GPM6A: variants seen among roughly 807,000 people sequenced by gnomAD.
The protein encoded by GPM6A is glycoprotein M6A, also known as neuronal membrane glycoprotein M6-a.
GPM6A carries 7 observed loss-of-function variants against 32.1 expected under a neutral mutation model. The ratio of observed to expected loss-of-function variants is 0.22; its 90% CI spans 0.12 to 0.41. GPM6A has a LOEUF of 0.41. Among genes scored for constraint, GPM6A ranks in the 10% least tolerant of loss-of-function variants. GPM6A has a pLI of 1.00. For missense variants in GPM6A, 235 were observed against 347.2 expected, an observed-to-expected ratio of 0.68 and a Z score of 2.57; for synonymous variants, 130 against 123.4, an observed-to-expected ratio of 1.05 and a Z score of -0.35.
intron 1 of GPM6A, among the ~76,000 whole-genome samples, chr4:175,719,423 C>T (rs910072644): frequency 2.1e-4 from 32 of 152,032 alleles, no homozygotes; most frequent in Non-Finnish European, 3.1e-4. Flanking sequence ...TGGTCTTGAT[C>T]CCTTGACCTC....
At chr4:175,718,887 G>A (rs1404743294) in intron 1 of GPM6A, among the ~76,000 whole-genome samples, 1 of 151,976 alleles carries the variant, frequency 6.6e-6, no homozygotes, top group African/African-American at 2.4e-5. Context: ...AGTGACTAAA[G>A]TAACTATAAA....
At position 175,674,925 on chromosome 4, in the gene GPM6A, T is replaced by C. The variant is rs1228172766; in HGVS notation, c.231-1089A>G. Among the ~76,000 whole-genome samples the C allele has an allele frequency of 2.6e-5, 4 of 151,788 alleles. No individual in the cohort carries two copies. In the South Asian group the frequency reaches 8.3e-4, roughly 32 times the overall value. ...TTTTTTTTAAAAGAAAAAAACACCA[T>C]GTGGCTAAAATAAAACATTTATCTA... On this transcript the variant is annotated intron_variant, in intron 2 of 6. Transcript: ENST00000393658.
chr4:175,962,389 C>G (rs1579667820), intron 1 of GPM6A: 5 of 741,370 alleles, frequency 6.7e-6, no homozygotes, highest in Non-Finnish European at 1.3e-5. Context: ...GACCACTCCA[C>G]CCTCACCAAG....
intron 1 of GPM6A, among the ~76,000 whole-genome samples, chr4:175,851,774 G>A (rs1290406907): frequency 2.0e-5 from 3 of 152,146 alleles, no homozygotes; most frequent in Admixed American, 1.3e-4. Context: ...TTTGCATTCC[G>A]TGTTTTGTTT....
rs111710260 is a variant in GPM6A, at chr4:175,734,567, T to TA, written c.38-32801dup. ...CAAATGTAATCAGTCCTTTACTTTT[T>TA]AAAAAAAAAAAATGCTATATAATAG... On this transcript the variant is annotated intron_variant, in intron 1 of 6. Transcript: ENST00000393658. Among the ~76,000 whole-genome samples the TA allele has an allele frequency of 3.2e-3, 465 of 143,664 alleles. 2 individuals carry two copies. The highest frequency in any genetic ancestry group is 9.3e-3 in the African/African-American group (360 of 38,876). The allele number at this position is 143,664 out of a possible 152,430, so 94.2% of individuals were successfully genotyped here.
chr4:175,888,997 G>C (rs73010162), intron 1 of GPM6A, among the ~76,000 whole-genome samples: 10 of 152,190 alleles, frequency 6.6e-5, no homozygotes, highest in Non-Finnish European at 1.5e-4. Flanking sequence ...GATCCCTGTA[G>C]TTATAAGAAC....
chr4:175,677,817 A>G (rs1343647598), intron 2 of GPM6A, among the ~76,000 whole-genome samples: 1 of 152,186 alleles, frequency 6.6e-6, no homozygotes, highest in Non-Finnish European at 1.5e-5. Flanking sequence ...AGAAATCCTG[A>G]GATAAGCATA....
intron 1 of GPM6A, among the ~76,000 whole-genome samples, chr4:175,811,576 T>C (rs1436594839): frequency 2.0e-5 from 3 of 152,278 alleles, no homozygotes; most frequent in East Asian, 3.9e-4. Flanking sequence ...CCTTTAACAT[T>C]ATTACTCAGA....
intron 1 of GPM6A, among the ~76,000 whole-genome samples, chr4:175,865,209 T>C (rs974182069): frequency 2.6e-5 from 4 of 152,254 alleles, no homozygotes; most frequent in African/African-American, 9.6e-5. Flanking sequence ...CATTTCACTA[T>C]TGAATTACCT....
At chr4:175,686,115 T>C (rs1038434002) in intron 2 of GPM6A, among the ~76,000 whole-genome samples, 7 of 152,200 alleles carry the variant, frequency 4.6e-5, no homozygotes, top group African/African-American at 1.7e-4. Context: ...AGGCTTACTT[T>C]GTGCATTTCC....
chr4:175,709,727 C>CAAA (rs559363193), intron 1 of GPM6A, among the ~76,000 whole-genome samples: 9 of 68,566 alleles, frequency 1.3e-4, no homozygotes, highest in South Asian at 4.5e-4. Flanking sequence ...GACTCCATCT[C>CAAA]AAAAAAAAAA....
chr4:176,000,893 AC>A (rs1741455425), intron 1 of GPM6A, among the ~76,000 whole-genome samples: 1 of 152,206 alleles, frequency 6.6e-6, no homozygotes, highest in African/African-American at 2.4e-5. Context: ...TTCTTTTTTA[AC>A]CTGAAAATAC....
At chr4:175,655,749 T>A (rs746894083) in intron 3 of GPM6A, among the ~76,000 whole-genome samples, 11 of 152,110 alleles carry the variant, frequency 7.2e-5, no homozygotes, top group Admixed American at 2.6e-4. Flanking sequence ...TGAAATCAGA[T>A]GACCTAGTCA....
intron 1 of GPM6A, among the ~76,000 whole-genome samples, chr4:175,741,170 C>T (rs900290872): frequency 2.0e-5 from 3 of 152,142 alleles, no homozygotes; most frequent in African/African-American, 7.2e-5. Flanking sequence ...GCTGATAGGG[C>T]TCAACAACCA....
intron 1 of GPM6A, among the ~76,000 whole-genome samples, chr4:175,825,202 C>T (rs964259056): frequency 2.6e-5 from 4 of 152,074 alleles, no homozygotes; most frequent in African/African-American, 9.7e-5. Context: ...GTTAAAGTCA[C>T]ACAAGCCAAG....
intron 1 of GPM6A, among the ~76,000 whole-genome samples, chr4:175,944,722 T>C (rs924943688): frequency 1.3e-5 from 2 of 152,216 alleles, no homozygotes; most frequent in East Asian, 3.8e-4. Flanking sequence ...GGCTTTTGCC[T>C]TTTGGCCACA....
At chr4:175,812,305 T>TTTTTG, upstream of GPM6A, 1 of 1,008,388 alleles carries the variant, frequency 9.9e-7, no homozygotes, top group Non-Finnish European at 1.2e-6. Flanking sequence ...CTGGGGGTTT[T>TTTTTG]TTTTTTTTTT....
At chr4:175,702,071 A>G (rs1744910952) in intron 1 of GPM6A, among the ~76,000 whole-genome samples, 1 of 152,182 alleles carries the variant, frequency 6.6e-6, no homozygotes, top group African/African-American at 2.4e-5. Flanking sequence ...ACATGCATGC[A>G]TATCATTCCA....
intron 1 of GPM6A, among the ~76,000 whole-genome samples, chr4:175,840,457 C>T (rs1167085965): frequency 2.0e-4 from 31 of 152,318 alleles, no homozygotes; most frequent in Non-Finnish European, 5.9e-5. Context: ...GCGGACGGAT[C>T]ACCTGAGGTC....
Sources: allele counts gnomAD v4.1 joint callset (sites outside exome capture counted in the v4.1 genomes callset), GRCh38; gene constraint gnomAD v4.1.1; transcripts MANE v1.5; gene names NCBI Gene and HGNC (gene_info 2026-07-23, HGNC 2026-07-21).